The following SLC34A1 variants were observed in gnomAD, a reference collection of about 807,000 sequenced individuals.
SLC34A1 encodes sodium-dependent phosphate transport protein 2A.
A neutral mutation model predicts 51.4 loss-of-function variants in SLC34A1; 57 were observed. The ratio of observed to expected loss-of-function variants is 1.11; its 90% CI spans 0.90 to 1.38. SLC34A1 has a LOEUF of 1.38. Among genes scored for constraint, SLC34A1 ranks in the 40% most tolerant of loss-of-function variants. SLC34A1 has a pLI of 0.00. For missense variants in SLC34A1, 796 were observed against 835.6 expected, an observed-to-expected ratio of 0.95 and a Z score of 0.58; for synonymous variants, 368 against 358.0, an observed-to-expected ratio of 1.03 and a Z score of -0.32.
chr5:177,394,007 C>A, intron 9 of SLC34A1, 21 bp from the exon 10 acceptor site: 1 of 1,613,830 alleles, frequency 6.2e-7, no homozygotes, highest in South Asian at 1.1e-5. Flanking sequence ...GGTCAGCTGT[C>A]AGGAGCTCCA....
Position 177,387,181 on chromosome 5 carries a change from T to G in SLC34A1, c.533-581T>G, listed in dbSNP as rs543014811. On this transcript the variant is annotated intron_variant, in intron 5 of 12. Transcript: ENST00000324417. Reference sequence around the variant, plus strand: ...GTCAGTAGATCGAGACCACCCTGGCTAACACGGTGAAACCCTGTCTCTACT... The same window carrying G: ...GTCAGTAGATCGAGACCACCCTGGCGAACACGGTGAAACCCTGTCTCTACT... Among the ~76,000 whole-genome samples, 4 of 149,560 alleles carry G rather than the reference T, an allele frequency of 2.7e-5. No individual in the cohort carries two copies. In the East Asian group the frequency reaches 5.9e-4, roughly 22 times the overall value.
In SLC34A1 at chr5:177,397,979, G is replaced by A. The variant is rs1161333032; in HGVS notation, c.1613G>A (p.Trp538Ter). ...SLVFGISMAG[W>*]QVMVGVGTPF... Reference sequence around the variant, plus strand: ...GTGTTTGGCATCTCCATGGCAGGCTGGCAGGTCATGGTAGGTGTGGGCACG... The same window carrying A: ...GTGTTTGGCATCTCCATGGCAGGCTAGCAGGTCATGGTAGGTGTGGGCACG... The change falls in exon 13 of 13, where the codon TGG (tryptophan) becomes TAG (stop). Residue 538 changes from tryptophan (W) to a stop codon, truncating the protein, a stop_gained. Coordinates refer to ENST00000324417, the MANE Select transcript of SLC34A1 (RefSeq NM_003052.5). LOFTEE classifies it high-confidence loss of function. 1 of 1,614,048 alleles carries A rather than the reference G, an allele frequency of 6.2e-7. No homozygotes were observed. The highest frequency in any genetic ancestry group is 8.5e-7 in the Non-Finnish European group (1 of 1,180,018).
At chr5:177,384,862 C>CAA (rs56057645) in intron 1 of SLC34A1, among the ~76,000 whole-genome samples, 4 of 86,982 alleles carry the variant, frequency 4.6e-5, no homozygotes, top group Admixed American at 1.3e-4. Flanking sequence ...AACTCCATCT[C>CAA]AAAAAAAAAA....
intron 2 of SLC34A1, 28 bp from the exon 3 acceptor site, chr5:177,385,958 TG>T (rs766002595): frequency 6.2e-7 from 1 of 1,610,370 alleles, no homozygotes; most frequent in East Asian, 2.2e-5. Flanking sequence ...TTTGGGGCCC[TG>T]GGGCTCCTGA....
rs1404699455 is a variant in SLC34A1 at position 177,393,744 on chromosome 5, A to C, written c.987A>C (p.Gly329=). 4 of 1,614,068 alleles carry C rather than the reference A, an allele frequency of 2.5e-6. No individual in the cohort carries two copies. The highest frequency in any genetic ancestry group is 3.4e-6 in the Non-Finnish European group (4 of 1,180,026). ...RAEANSSQTL[G]NATMEKCNHI... ...AGGCCAACTCCAGCCAGACCCTTGG[A>C]AATGCCACCATGGAGAAATGTAAGT... Residue 329 remains glycine, a synonymous_variant, in exon 9 of 13, where the codon GGA becomes GGC. Transcript: ENST00000324417.
chr5:177,397,681 C>A, intron 12 of SLC34A1, 102 bp from the exon 13 acceptor site: 1 of 1,513,962 alleles, frequency 6.6e-7, no homozygotes, highest in Non-Finnish European at 9.1e-7. Flanking sequence ...AACTTTCCTG[C>A]TGCCCAGACC....
In SLC34A1 at chr5:177,396,742, C is replaced by T. The variant is rs764135108; in HGVS notation, c.1184C>T (p.Ala395Val). 5 of 1,614,052 alleles carry T rather than the reference C, an allele frequency of 3.1e-6. No homozygotes were observed. Among genetic ancestry groups the T allele is most frequent in the African/African-American group, 2.7e-5 (2 of 74,954 alleles). ...IQKVINTDFP[A>V]PFTWVTGYFA... ...TGCGGTTTCCTTGCAGACTTCCCTG[C>T]CCCCTTCACCTGGGTCACAGGCTAC... The change falls in exon 11 of 13, where the codon GCC becomes GTC. Residue 395 changes from alanine (A) to valine (V), a missense_variant. Transcript: ENST00000324417. The surrounding 1 kb of genome is among the most constrained non-coding windows in gnomAD (Gnocchi z 4.0).
Position 177,388,344 on chromosome 5 carries a change from A to G in SLC34A1, c.908A>G (p.Gln303Arg), listed in dbSNP as rs2127348745. The G allele has an allele frequency of 6.2e-7, 1 of 1,614,182 alleles. No individual in the cohort carries two copies. The highest frequency in any genetic ancestry group is 2.2e-5 in the East Asian group (1 of 44,892). The change falls in exon 8 of 13, where the codon CAG becomes CGG. Residue 303 changes from glutamine (Q) to arginine (R), a missense_variant. By Grantham distance (43) the Gln-to-Arg change is conservative. Coordinates refer to ENST00000324417, the MANE Select transcript of SLC34A1 (RefSeq NM_003052.5). The surrounding 1 kb of genome is among the most constrained non-coding windows in gnomAD (Gnocchi z 4.3). ...TCCCTGAGGAACCACAGTCTCATCC[A>G]GATCTGGTGCCACCCAGACTCCTTA... ...DESLRNHSLI[Q>R]IWCHPDSLQA...
chr5:177,397,095 C>T lies in SLC34A1; in HGVS notation c.1416+21C>T, dbSNP rs560197684. The T allele has an allele frequency of 3.4e-5, 55 of 1,610,514 alleles. No homozygotes were observed. In the South Asian group the frequency reaches 5.4e-4, roughly 16 times the overall value. ...TCCAGGTGCGCTGGGAGTGTAGCCT[C>T]GCCTGGGGCAGGATGGAGCTGCCTC... On this transcript the variant is annotated intron_variant, in intron 12 of 12. Transcript: ENST00000324417.
chr5:177,397,632 G>A (rs1350450786), intron 12 of SLC34A1, 151 bp from the exon 13 acceptor site: 1 of 961,346 alleles, frequency 1.0e-6, no homozygotes, highest in Non-Finnish European at 1.6e-6. Context: ...GCCACCTCGG[G>A]GTGATCTCGG....
intron 9 of SLC34A1, 83 bp downstream of exon 9, chr5:177,393,846 T>G: frequency 6.6e-7 from 1 of 1,522,376 alleles, no homozygotes. Context: ...CAGCCACTAT[T>G]GTGTCCAGCC....
rs1230306957 is a variant in SLC34A1, at chr5:177,394,180, A to T, written c.1159A>T (p.Lys387Ter). Residue 387 changes from lysine (K) to a stop codon, truncating the protein, a stop_gained, in exon 10 of 13, where the codon AAG becomes TAG. Transcript: ENST00000324417. LOFTEE classifies it high-confidence loss of function. ...GGGCCAAGTGGCCAAGGTCATCCAG[A>T]AGGTCATCAATACGGGTGAGCTGCG... ...LKGQVAKVIQ[K>*]VINTDFPAPF... 1 of 1,613,876 alleles carries T rather than the reference A, an allele frequency of 6.2e-7. No homozygotes were observed. The highest frequency in any genetic ancestry group is 8.5e-7 in the Non-Finnish European group (1 of 1,180,040).
intron 10 of SLC34A1, among the ~76,000 whole-genome samples, chr5:177,395,070 G>A (rs1762917859): frequency 6.6e-6 from 1 of 152,146 alleles, no homozygotes; most frequent in Admixed American, 6.5e-5. Context: ...GTACCCAGGA[G>A]GCTGAGTGGG....
chr5:177,385,976 T>G lies in SLC34A1; in HGVS notation c.110-11T>G. 1 of 1,609,660 alleles carries G rather than the reference T, an allele frequency of 6.2e-7. No homozygotes were observed. ...GGGGCCCTGGGGCTCCTGACCAGGCTCCCTCCCTAGTCCTACACAGGATCC... is the reference window on the plus strand; with the variant it reads ...GGGGCCCTGGGGCTCCTGACCAGGCGCCCTCCCTAGTCCTACACAGGATCC... On this transcript the variant is annotated splice_polypyrimidine_tract_variant and intron_variant, in intron 2 of 12. Coordinates refer to ENST00000324417, the MANE Select transcript of SLC34A1 (RefSeq NM_003052.5).
Position 177,387,897 on chromosome 5 carries a change from G to T in SLC34A1, c.644+24G>T, listed in dbSNP as rs369687042. 6.6e-5 allele frequency: 104 copies of T among 1,584,228 alleles called. 1 individual carries two copies. The South Asian group carries it at 1.1e-3, about 16-fold the overall frequency. On this transcript the variant is annotated intron_variant, in intron 6 of 12. Coordinates refer to ENST00000324417, the MANE Select transcript of SLC34A1 (RefSeq NM_003052.5). ...CGGTGAGGGGGGCTGGGGGTTGGGG[G>T]CTCGTGCCTGGGGGAGGACAGCCCC...
In SLC34A1 at chr5:177,396,461, G is replaced by A. The variant is rs187728028; in HGVS notation, c.1175-272G>A. On this transcript the variant is annotated intron_variant, in intron 10 of 12. Coordinates refer to ENST00000324417, the MANE Select transcript of SLC34A1 (RefSeq NM_003052.5). The surrounding 1 kb of genome is among the most constrained non-coding windows in gnomAD (Gnocchi z 4.0). The stretch of plus-strand genomic sequence containing the variant: ...TCTCCCAGTGCCCCCGCGGAGGTCC[G>A]CTCTCCCAGTGCCCCCGCGGAGGTC... 4.4e-3 allele frequency among the ~76,000 whole-genome samples: 594 copies of A among 135,086 alleles called. 6 individuals carry two copies. Among genetic ancestry groups the A allele is most frequent in the African/African-American group, 0.016 (562 of 35,898 alleles). The allele number at this position is 135,086 out of a possible 152,430, so 88.6% of individuals were successfully genotyped here.
chr5:177,394,286 C>A, intron 10 of SLC34A1, 91 bp downstream of exon 10: 1 of 1,358,082 alleles, frequency 7.4e-7, no homozygotes, highest in Non-Finnish European at 1.0e-6. Flanking sequence ...TGGGTAAACC[C>A]TACCATCTCT....
intron 10 of SLC34A1, among the ~76,000 whole-genome samples, chr5:177,395,973 TCTCA>T (rs954870103): frequency 4.6e-5 from 7 of 152,082 alleles, no homozygotes; most frequent in Non-Finnish European, 1.0e-4. Flanking sequence ...AGAGATGGGC[TCTCA>T]CTATGTTGGT....
chr5:177,391,435 C>T (rs1349432570), intron 8 of SLC34A1, among the ~76,000 whole-genome samples: 1 of 152,264 alleles, frequency 6.6e-6, no homozygotes, highest in Non-Finnish European at 1.5e-5. Flanking sequence ...TCCCCATTCT[C>T]CTCCAGCCTT....
Sources: allele counts gnomAD v4.1 joint callset (sites outside exome capture counted in the v4.1 genomes callset), GRCh38; gene constraint gnomAD v4.1.1; non-coding constraint Gnocchi (gnomAD v3.1); transcripts MANE v1.5; gene names NCBI Gene and HGNC (gene_info 2026-07-23, HGNC 2026-07-21).